TBXA2R: variants seen among roughly 807,000 people sequenced by gnomAD.
TBXA2R encodes thromboxane A2 receptor.
In TBXA2R, 15 loss-of-function variants were observed where a neutral mutation model predicts 15.6. The ratio of observed to expected loss-of-function variants is 0.96; its 90% confidence interval spans 0.64 to 1.48. The LOEUF (loss-of-function observed/expected upper bound fraction) is 1.48. Ranked by LOEUF, TBXA2R falls within the 40% of genes most tolerant of loss-of-function variation. The probability of loss-of-function intolerance (pLI) is 0.00; values close to 1 mark genes in which losing one functional copy is unlikely to be tolerated. For missense variants in TBXA2R, 506 were observed against 491.4 expected (o/e 1.03, Z -0.28); for synonymous variants, 280 against 241.2 (o/e 1.16, Z -1.49).
At position 3,600,062 on chromosome 19, in the gene TBXA2R, G is replaced by A. The variant is rs1345989321; in HGVS notation, c.573C>T (p.Ser191=). ...AGAGCAGCCCGAAGGCCACGTCCCCGGACTCGGCGCCCAGCGTCAGGAAGC... is the reference window on the plus strand; with the variant it reads ...AGAGCAGCCCGAAGGCCACGTCCCCAGACTCGGCGCCCAGCGTCAGGAAGC... ...SWCFLTLGAE[S]GDVAFGLLFS... Residue 191 remains serine (S), a synonymous_variant, in exon 2 of 3, where the codon TCC becomes TCT. Coordinates refer to ENST00000375190, the MANE Select transcript of TBXA2R (RefSeq NM_001060.6). 1.2e-6 allele frequency: 2 copies of A among 1,612,600 alleles called. No homozygotes were observed. The highest frequency in any genetic ancestry group is 1.7e-4 in the Middle Eastern group (1 of 6,058).
Position 3,595,794 on chromosome 19 carries a change from A to C in TBXA2R, c.926T>G (p.Ile309Ser). The change falls in exon 3 of 3, where the codon ATC becomes AGC. Residue 309 changes from isoleucine (I) to serine (S), a missense_variant. Physicochemically the swap from Ile to Ser is moderately radical, Grantham distance 142. Coordinates refer to ENST00000375190, the MANE Select transcript of TBXA2R (RefSeq NM_001060.6). ...CCGGAGCACGGCGCGGCGGAACAGG[A>C]TATACACCCAGGGGTCCAGGATCTG... ...WNQILDPWVYILFRRAVLRRL... is the reference protein window; with the variant it reads ...WNQILDPWVYSLFRRAVLRRL... 6.2e-7 allele frequency: 1 copy of C among 1,611,510 alleles called. No individual in the cohort carries two copies. The highest frequency in any genetic ancestry group is 8.5e-7 in the Non-Finnish European group (1 of 1,179,244).
intron 2 of TBXA2R, 142 bp downstream of exon 2, chr19:3,599,707 T>A: frequency 1.6e-6 from 2 of 1,266,396 alleles, no homozygotes; most frequent in Non-Finnish European, 2.2e-6. Context: ...CCTCAAGCGA[T>A]CCTCCCGCCT....
At chr19:3,603,344 G>A (rs2032773770) in intron 1 of TBXA2R, among the ~76,000 whole-genome samples, 1 of 152,248 alleles carries the variant, frequency 6.6e-6, no homozygotes, top group South Asian at 2.1e-4. Context: ...CACTGCCACC[G>A]TGGTGGGAGG....
chr19:3,600,479 C>T lies in TBXA2R; in HGVS notation c.156G>A (p.Ala52=). Reference sequence around the variant, plus strand: ...AGCGCGTGTGCGAACCCCCCTGCCGCGCGCCCGCCAGCACGCTCAGGGCCA... The same window carrying T: ...AGCGCGTGTGCGAACCCCCCTGCCGTGCGCCCGCCAGCACGCTCAGGGCCA... ...NLLALSVLAG[A]RQGGSHTRSS... Residue 52 remains alanine (A), a synonymous_variant, in exon 2 of 3, where the codon GCG becomes GCA. Coordinates refer to ENST00000375190, the MANE Select transcript of TBXA2R (RefSeq NM_001060.6). 1 of 1,612,608 alleles carries T rather than the reference C, an allele frequency of 6.2e-7. No homozygotes were observed. Among genetic ancestry groups the T allele is most frequent in the Non-Finnish European group, 8.5e-7 (1 of 1,179,610 alleles).
At position 3,595,440 on chromosome 19, in the gene TBXA2R, A is replaced by G; in HGVS notation, c.*248T>C. On this transcript the variant is annotated 3_prime_UTR_variant, in exon 3 of 3. Coordinates refer to ENST00000375190, the MANE Select transcript of TBXA2R (RefSeq NM_001060.6). The stretch of plus-strand genomic sequence containing the variant: ...TCTGCATGCCCTTCCTGGGGTTGGG[A>G]GGGACGCAGAGAAGGGGTGGGAGCT... 7.1e-7 allele frequency: 1 copy of G among 1,409,120 alleles called. No individual in the cohort carries two copies. The highest frequency in any genetic ancestry group is 1.7e-5 in the South Asian group (1 of 58,718). 87.3% of individuals were successfully genotyped at this position (1,409,120 alleles called of 1,614,324 possible). A position where few individuals can be genotyped will look rare whatever the true frequency, so the allele number is the denominator to read the frequency against.
At chr19:3,598,336 CTTT>C (rs2032641437) in intron 2 of TBXA2R, among the ~76,000 whole-genome samples, 2 of 136,424 alleles carry the variant, frequency 1.5e-5, no homozygotes, top group East Asian at 4.0e-4. Context: ...TTCTTTCTTT[CTTT>C]CTTTTCTTTT....
rs200728850 is a variant in TBXA2R, at chr19:3,595,870, G to A, written c.850C>T (p.Arg284Cys). The change falls in exon 3 of 3, where the codon CGC becomes TGC. Residue 284 changes from arginine (R) to cysteine (C), a missense_variant. Arg to Cys is a radical substitution (Grantham distance 180, BLOSUM62 -3). Transcript: ENST00000375190. ...PAMSPAGQLS[R>C]TTEKELLIYL... ...ATGAGCAGCTCCTTCTCCGTGGTGCGGGACAGCTGCCCGGCGGGGCTCATG... is the reference window on the plus strand; with the variant it reads ...ATGAGCAGCTCCTTCTCCGTGGTGCAGGACAGCTGCCCGGCGGGGCTCATG... 9 of 1,609,720 alleles carry A rather than the reference G, an allele frequency of 5.6e-6. No homozygotes were observed. The highest frequency in any genetic ancestry group is 2.2e-5 in the East Asian group (1 of 44,742).
chr19:3,601,214 G>A (rs1022141418), intron 1 of TBXA2R, among the ~76,000 whole-genome samples: 17 of 152,034 alleles, frequency 1.1e-4, no homozygotes, highest in Middle Eastern at 6.8e-3. Context: ...TGGGGCTAAC[G>A]CTCAGCCACA....
At position 3,600,734 on chromosome 19, in the gene TBXA2R, G is replaced by T. The variant is rs1009862284; in HGVS notation, c.-83-17C>A. On this transcript the variant is annotated splice_polypyrimidine_tract_variant and intron_variant, in intron 1 of 2. Transcript: ENST00000375190. ...CAGGCACACCTGGGAGGCGAGAGAA[G>T]ATTTGCTTGTGATTAATTCTGCATT... The T allele has an allele frequency of 3.6e-6, 5 of 1,377,992 alleles. No individual in the cohort carries two copies. In the African/African-American group the frequency reaches 5.8e-5, roughly 16 times the overall value. 85.4% of individuals were successfully genotyped at this position (1,377,992 alleles called of 1,614,324 possible).
At chr19:3,599,596 C>G (rs1167489662) in intron 2 of TBXA2R, among the ~76,000 whole-genome samples, 1 of 152,200 alleles carries the variant, frequency 6.6e-6, no homozygotes, top group Non-Finnish European at 1.5e-5. Context: ...TCCCAAAGTG[C>G]TGGGATTACA....
chr19:3,601,840 A>G (rs1160374661), intron 1 of TBXA2R, among the ~76,000 whole-genome samples: 1 of 150,002 alleles, frequency 6.7e-6, no homozygotes, highest in East Asian at 2.0e-4. Flanking sequence ...GGCAGAAGAA[A>G]TGCTTGAACC....
chr19:3,602,381 G>T (rs1202619863), intron 1 of TBXA2R, among the ~76,000 whole-genome samples: 1 of 152,080 alleles, frequency 6.6e-6, no homozygotes, highest in Non-Finnish European at 1.5e-5. Flanking sequence ...GGGACTGGGT[G>T]GGCAAAGGTG....
chr19:3,600,647 C>T lies in TBXA2R; in HGVS notation c.-13G>A, dbSNP rs770137938. 2.5e-6 allele frequency: 4 copies of T among 1,611,042 alleles called. No individual in the cohort carries two copies. Among genetic ancestry groups the T allele is most frequent in the Non-Finnish European group, 3.4e-6 (4 of 1,179,166 alleles). On this transcript the variant is annotated 5_prime_UTR_variant, in exon 2 of 3. Coordinates refer to ENST00000375190, the MANE Select transcript of TBXA2R (RefSeq NM_001060.6). ...CGTTGGGCCACATGGCTCCGGAGCC[C>T]TGAGGGATCAGTCACCACCCCATCA...
intron 2 of TBXA2R, among the ~76,000 whole-genome samples, chr19:3,598,574 A>C (rs1262550376): frequency 6.8e-6 from 1 of 146,794 alleles, no homozygotes; most frequent in African/African-American, 2.5e-5. Flanking sequence ...CTGGTCTTGA[A>C]CTCCTGACCT....
At chr19:3,606,206 C>G (rs1222323792) in intron 1 of TBXA2R, among the ~76,000 whole-genome samples, 1 of 152,260 alleles carries the variant, frequency 6.6e-6, no homozygotes, top group Non-Finnish European at 1.5e-5. Context: ...CCTGCCACAC[C>G]CAGGGCCTGG....
At position 3,599,836 on chromosome 19, in the gene TBXA2R, A is replaced by G; in HGVS notation, c.786+13T>C. On this transcript the variant is annotated intron_variant, in intron 2 of 2. Coordinates refer to ENST00000375190, the MANE Select transcript of TBXA2R (RefSeq NM_001060.6). ...TCAGGAGGGTAGCAGGACCCCGCAGAGCCCCTACTCACCAGAAGGGGCAGC... is the reference window on the plus strand; with the variant it reads ...TCAGGAGGGTAGCAGGACCCCGCAGGGCCCCTACTCACCAGAAGGGGCAGC... 2 of 1,548,870 alleles carry G rather than the reference A, an allele frequency of 1.3e-6. No individual in the cohort carries two copies. The highest frequency in any genetic ancestry group is 1.7e-6 in the Non-Finnish European group (2 of 1,146,908).
chr19:3,599,673 G>A (rs527859371), intron 2 of TBXA2R, among the ~76,000 whole-genome samples, 176 bp downstream of exon 2: 12 of 152,230 alleles, frequency 7.9e-5, no homozygotes, highest in African/African-American at 2.4e-4. Flanking sequence ...CACCATGTTG[G>A]CCAGGCTGGT....
intron 2 of TBXA2R, among the ~76,000 whole-genome samples, chr19:3,599,582 G>A (rs2032674977): frequency 6.6e-6 from 1 of 151,548 alleles, no homozygotes; most frequent in Non-Finnish European, 1.5e-5. Context: ...CGCCCGCCTC[G>A]GCCTCCCAAA....
chr19:3,602,755 C>T lies in TBXA2R; in HGVS notation c.-83-2038G>A, dbSNP rs144262342. 2.5e-3 allele frequency among the ~76,000 whole-genome samples: 319 copies of T among 128,602 alleles called. 2 individuals are homozygous for T. The highest frequency in any genetic ancestry group is 9.1e-3 in the African/African-American group (310 of 33,884). The allele number at this position is 128,602 out of a possible 152,430, so 84.4% of individuals were successfully genotyped here. On this transcript the variant is annotated intron_variant, in intron 1 of 2. Coordinates refer to ENST00000375190, the MANE Select transcript of TBXA2R (RefSeq NM_001060.6). ...AACCTGAGCAACAAGAGCAAAACTC[C>T]GTCTCAAAAAAAAAAAAAAAAGAAA...
Sources: gnomAD v4.1 joint callset for allele counts (sites outside exome capture counted in the v4.1 genomes callset) on GRCh38, gnomAD v4.1.1 for gene constraint, MANE v1.5 for transcripts, NCBI Gene and HGNC (gene_info 2026-07-23, HGNC 2026-07-21) for gene names.